FRS2: variants seen among roughly 807,000 people sequenced by gnomAD.
FRS2 encodes FGFR signalling adaptor.
In FRS2, 8 loss-of-function variants were observed where a neutral mutation model predicts 43.9. That is an observed-to-expected ratio of 0.18 (90% CI 0.11 to 0.33). The LOEUF (loss-of-function observed/expected upper bound fraction) is 0.33. Among genes scored for constraint, FRS2 ranks in the 10% least tolerant of loss-of-function variants. The pLI is 1.00. For missense variants in FRS2, 534 were observed against 627.6 expected (o/e 0.85, Z 1.59); for synonymous variants, 219 against 220.3 (o/e 0.99, Z 0.05).
At chr12:69,568,410 A>G (rs1426240438) in intron 4 of FRS2, among the ~76,000 whole-genome samples, 1 of 152,184 alleles carries the variant, frequency 6.6e-6, no homozygotes, top group Non-Finnish European at 1.5e-5. Context: ...TTAAAGAACA[A>G]GCCAGGTCTG....
At chr12:69,524,722 C>T (rs1156313576) in intron 1 of FRS2, among the ~76,000 whole-genome samples, 3 of 152,170 alleles carry the variant, frequency 2.0e-5, no homozygotes, top group Non-Finnish European at 2.9e-5. Flanking sequence ...TGTTCCACTA[C>T]AGAGGCTGCA....
chr12:69,494,348 C>G (rs1328920289), intron 1 of FRS2, among the ~76,000 whole-genome samples: 1 of 152,178 alleles, frequency 6.6e-6, no homozygotes, highest in Non-Finnish European at 1.5e-5. Context: ...AGTGTCTACT[C>G]TCTGCCTAGG....
At chr12:69,559,532 A>T (rs1879707788) in intron 3 of FRS2, among the ~76,000 whole-genome samples, 1 of 152,146 alleles carries the variant, frequency 6.6e-6, no homozygotes, top group South Asian at 2.1e-4. Flanking sequence ...AAAAATAGTC[A>T]CGTACCTTTG....
rs575552267 is a variant in FRS2 at position 69,495,546 on chromosome 12, C to T, written c.-261+25016C>T. ...ACTACATGATAAACACAGTCTAGATCGTTTGGGTGGGTAGTTCTCTAGAAT... is the reference window on the plus strand; with the variant it reads ...ACTACATGATAAACACAGTCTAGATTGTTTGGGTGGGTAGTTCTCTAGAAT... On this transcript the variant is annotated intron_variant, in intron 1 of 8. Transcript: ENST00000549921. Among the ~76,000 whole-genome samples, 33 of 152,180 alleles carry T rather than the reference C, an allele frequency of 2.2e-4. No homozygotes were observed. In the South Asian group the frequency reaches 6.8e-3, roughly 32 times the overall value.
chr12:69,574,025 T>G lies in FRS2; in HGVS notation c.597T>G (p.Thr199=). ...AEEQVHTYVN[T]TGVQEERKNR... is the part of the protein sequence containing the mutation. ...TTTAGGTACATACCTATGTCAACAC[T>G]ACAGGTGTGCAAGAAGAGCGGAAAA... Residue 199 remains threonine (T), a synonymous_variant, in exon 9 of 9, where the codon ACT becomes ACG. Coordinates refer to ENST00000549921, the MANE Select transcript of FRS2 (RefSeq NM_001278356.2). 1 of 1,612,712 alleles carries G rather than the reference T, an allele frequency of 6.2e-7. No homozygotes were observed. The highest frequency in any genetic ancestry group is 2.2e-5 in the East Asian group (1 of 44,882).
chr12:69,544,750 C>G (rs979180352), intron 3 of FRS2, among the ~76,000 whole-genome samples: 1 of 151,824 alleles, frequency 6.6e-6, no homozygotes, highest in Non-Finnish European at 1.5e-5. Context: ...GAAACTATTT[C>G]AACGTAGTAA....
At chr12:69,524,165 T>A (rs548051772) in intron 1 of FRS2, among the ~76,000 whole-genome samples, 1 of 151,992 alleles carries the variant, frequency 6.6e-6, no homozygotes, top group Admixed American at 6.5e-5. Flanking sequence ...CAGGCAGCAG[T>A]GTCGGCGGCA....
At chr12:69,488,629 C>T (rs1279490472) in intron 1 of FRS2, among the ~76,000 whole-genome samples, 1 of 152,130 alleles carries the variant, frequency 6.6e-6, no homozygotes, top group Admixed American at 6.6e-5. Flanking sequence ...AATCCTTCCA[C>T]GTTTTCATGC....
At chr12:69,498,250 G>T (rs1251730571) in intron 1 of FRS2, among the ~76,000 whole-genome samples, 8 of 152,190 alleles carry the variant, frequency 5.3e-5, no homozygotes, top group Non-Finnish European at 1.2e-4. Context: ...ATTTTATGTT[G>T]TGGATCTATT....
At chr12:69,538,184 A>T (rs1013672481) in intron 3 of FRS2, among the ~76,000 whole-genome samples, 14 of 91,872 alleles carry the variant, frequency 1.5e-4, no homozygotes, top group South Asian at 4.6e-4. Flanking sequence ...TAATAAAATT[A>T]AAAAAACAAA....
chr12:69,540,468 T>C (rs1012996917), intron 3 of FRS2, among the ~76,000 whole-genome samples: 101 of 151,960 alleles, frequency 6.6e-4, no homozygotes, highest in African/African-American at 2.3e-3. Flanking sequence ...ATAAGTAAAG[T>C]ATAAAGTAGT....
intron 1 of FRS2, among the ~76,000 whole-genome samples, chr12:69,477,403 C>T (rs1045304334): frequency 9.2e-5 from 14 of 151,368 alleles, no homozygotes; most frequent in Admixed American, 3.3e-4. Context: ...CTGCCTCAGC[C>T]TCACCAGTAG....
Position 69,517,252 on chromosome 12 carries a change from A to G in FRS2, c.-260-13613A>G, listed in dbSNP as rs906607179. Reference sequence around the variant, plus strand: ...TCAATGTATATACAAACTTTGTTTCATGGGCAAAATTATTTAAAATGTTGT... The same window carrying G: ...TCAATGTATATACAAACTTTGTTTCGTGGGCAAAATTATTTAAAATGTTGT... On this transcript the variant is annotated intron_variant, in intron 1 of 8. Coordinates refer to ENST00000549921, the MANE Select transcript of FRS2 (RefSeq NM_001278356.2). Among the ~76,000 whole-genome samples the G allele has an allele frequency of 7.2e-5, 11 of 152,330 alleles. No individual in the cohort carries two copies. In the South Asian group the frequency reaches 2.3e-3, roughly 32 times the overall value.
intron 3 of FRS2, among the ~76,000 whole-genome samples, chr12:69,555,745 A>G (rs563031208): frequency 1.3e-5 from 2 of 152,316 alleles, no homozygotes; most frequent in South Asian, 4.1e-4. Context: ...AGATACACCA[A>G]GGGATGACTA....
intron 1 of FRS2, among the ~76,000 whole-genome samples, chr12:69,488,157 T>C (rs1872125911): frequency 6.6e-6 from 1 of 152,218 alleles, no homozygotes; most frequent in Non-Finnish European, 1.5e-5. Flanking sequence ...TTGAGAGGAT[T>C]GATGACTCCA....
intron 1 of FRS2, among the ~76,000 whole-genome samples, chr12:69,523,269 T>G (rs1026721344): frequency 6.6e-6 from 1 of 152,244 alleles, no homozygotes; most frequent in Admixed American, 6.5e-5. Context: ...TGCTCCTGTG[T>G]TGGGTGTATG....
intron 1 of FRS2, among the ~76,000 whole-genome samples, chr12:69,505,862 A>G (rs1358931254): frequency 6.6e-6 from 1 of 152,196 alleles, no homozygotes; most frequent in Non-Finnish European, 1.5e-5. Context: ...TCCAATGCAG[A>G]TTCCAAGAAT....
At chr12:69,529,622 A>AAAATAAATAAATAAAT (rs36140969) in intron 1 of FRS2, among the ~76,000 whole-genome samples, 12 of 149,888 alleles carry the variant, frequency 8.0e-5, no homozygotes, top group African/African-American at 2.7e-4. Context: ...CCCTGTCTCA[A>AAAATAAATAAATAAAT]AAATAAATAA....
intron 3 of FRS2, among the ~76,000 whole-genome samples, chr12:69,535,449 A>G (rs1007162476): frequency 1.3e-5 from 2 of 152,214 alleles, no homozygotes; most frequent in African/African-American, 2.4e-5. Flanking sequence ...GCAGCCCTGT[A>G]TTACATGAGC....
Sources: gnomAD v4.1 joint callset for allele counts (sites outside exome capture counted in the v4.1 genomes callset) on GRCh38, gnomAD v4.1.1 for gene constraint, MANE v1.5 for transcripts, NCBI Gene and HGNC (gene_info 2026-07-23, HGNC 2026-07-21) for gene names.